Variants in LPCAT2 observed in about 807,000 individuals in gnomAD.
LPCAT2 encodes the protein 1-AGP acyltransferase 11.
A neutral mutation model predicts 64.7 loss-of-function variants in LPCAT2; 58 were observed. The observed-to-expected ratio is 0.90, with a 90% CI of 0.73 to 1.12. The LOEUF (loss-of-function observed/expected upper bound fraction) is 1.12, where lower values mean the gene tolerates loss of function less well. LPCAT2 is among the 50% of genes most tolerant of loss of function. The pLI, the probability that LPCAT2 is intolerant of heterozygous loss-of-function variation, is 0.00. For missense variants in LPCAT2, 579 were observed against 669.8 expected, an observed-to-expected ratio of 0.86 and a Z score of 1.50; for synonymous variants, 252 against 245.3, an observed-to-expected ratio of 1.03 and a Z score of -0.26.
intron 11 of LPCAT2, chr16:55,566,656 GA>G (rs1373738246): frequency 2.6e-5 from 34 of 1,313,556 alleles, no homozygotes; most frequent in Non-Finnish European, 3.1e-5. Context: ...AGCAGGTAAA[GA>G]AAAGCCAGTT....
chr16:55,536,972 A>G (rs1963331871), intron 7 of LPCAT2, among the ~76,000 whole-genome samples: 1 of 152,172 alleles, frequency 6.6e-6, no homozygotes, highest in Non-Finnish European at 1.5e-5. Flanking sequence ...TAAAGCTTCC[A>G]CTTTTAAGGA....
intron 13 of LPCAT2, among the ~76,000 whole-genome samples, chr16:55,580,487 C>A (rs1256675033): frequency 6.6e-6 from 1 of 152,118 alleles, no homozygotes; most frequent in African/African-American, 2.4e-5. Context: ...TCAGGGAAAT[C>A]TGCTTTGTTT....
At chr16:55,567,309 C>T in intron 11 of LPCAT2, 1 of 1,613,612 alleles carries the variant, frequency 6.2e-7, no homozygotes, top group Non-Finnish European at 8.5e-7. Flanking sequence ...AGGCTTCCAG[C>T]TAAATGAACA....
intron 11 of LPCAT2, among the ~76,000 whole-genome samples, chr16:55,563,803 C>T (rs1178448325): frequency 6.6e-6 from 1 of 151,820 alleles, no homozygotes; most frequent in African/African-American, 2.4e-5. Context: ...GACTAGGATG[C>T]CCACTCTCAT....
chr16:55,558,002 C>T (rs13335416), intron 11 of LPCAT2, among the ~76,000 whole-genome samples: 13,361 of 152,170 alleles, frequency 0.088, 835 homozygotes, highest in African/African-American at 0.17. Context: ...AAAGGTCTCA[C>T]ATCTTTGAAA....
At chr16:55,545,659 T>C (rs1596869307) in intron 8 of LPCAT2, 76 bp from the exon 9 acceptor site, 3 of 888,388 alleles carry the variant, frequency 3.4e-6, no homozygotes, top group East Asian at 2.5e-5. Flanking sequence ...ATATTGATAA[T>C]GTATAAATTA....
intron 11 of LPCAT2, among the ~76,000 whole-genome samples, chr16:55,557,752 C>T (rs1963593604): frequency 6.6e-6 from 1 of 152,096 alleles, no homozygotes; most frequent in African/African-American, 2.4e-5. Flanking sequence ...GAGGGAAAAC[C>T]TCAATATCTC....
intron 11 of LPCAT2, among the ~76,000 whole-genome samples, chr16:55,558,473 C>A (rs1313723296): frequency 6.6e-6 from 1 of 152,248 alleles, no homozygotes; most frequent in East Asian, 1.9e-4. Flanking sequence ...TTTTTGCAAA[C>A]TTGCCAATAT....
At chr16:55,534,367 C>A in intron 6 of LPCAT2, 76 bp from the exon 7 acceptor site, 1 of 836,742 alleles carries the variant, frequency 1.2e-6, no homozygotes, top group South Asian at 1.5e-5. Flanking sequence ...CATGAATCCC[C>A]ATATTAAAAT....
intron 7 of LPCAT2, among the ~76,000 whole-genome samples, chr16:55,534,782 T>G (rs1963303016): frequency 6.6e-6 from 1 of 152,152 alleles, no homozygotes; most frequent in Non-Finnish European, 1.5e-5. Context: ...TTAGCTTTAA[T>G]TTTGTAGTTT....
At chr16:55,550,614 C>G (rs1457086114) in intron 10 of LPCAT2, among the ~76,000 whole-genome samples, 1 of 152,102 alleles carries the variant, frequency 6.6e-6, no homozygotes, top group African/African-American at 2.4e-5. Context: ...ATACAAGTAT[C>G]CTTTAAAAGA....
intron 1 of LPCAT2, among the ~76,000 whole-genome samples, chr16:55,519,286 G>T (rs1963058522): frequency 1.3e-5 from 2 of 151,790 alleles, no homozygotes; most frequent in Admixed American, 1.3e-4. Flanking sequence ...GGATCACGGG[G>T]TCAGGACATT....
intron 1 of LPCAT2, among the ~76,000 whole-genome samples, chr16:55,524,982 T>A (rs1963148615): frequency 1.3e-5 from 2 of 152,038 alleles, no homozygotes; most frequent in South Asian, 4.1e-4. Flanking sequence ...TACTTTTCAT[T>A]TCTTCTTCTT....
chr16:55,574,789 G>C, intron 12 of LPCAT2, 60 bp downstream of exon 12: 1 of 1,213,644 alleles, frequency 8.2e-7, no homozygotes. Flanking sequence ...TTGACTCTAA[G>C]TGTATTATTT....
rs144984008 is a variant in LPCAT2 at position 55,579,117 on chromosome 16, C to T, written c.1323C>T (p.Asp441=). ...EIIQVAFKLF[D]VDEDGYITEE... is the part of the protein sequence containing the mutation. ...CATTTTATTTTCTTCAGCTGTTTGA[C>T]GTTGATGAGGATGGCTACATAACGG... is the stretch of plus-strand genomic sequence containing the variant. The change falls in exon 13 of 14, where the codon GAC becomes GAT. Residue 441 remains aspartate, a synonymous_variant. Transcript: ENST00000262134. 5.4e-5 allele frequency: 87 copies of T among 1,612,594 alleles called. No homozygotes were observed. The highest frequency in any genetic ancestry group is 3.3e-4 in the Middle Eastern group (2 of 6,064).
At chr16:55,512,718 C>A (rs1479322419) in intron 1 of LPCAT2, among the ~76,000 whole-genome samples, 1 of 152,168 alleles carries the variant, frequency 6.6e-6, no homozygotes, top group Non-Finnish European at 1.5e-5. Flanking sequence ...GAAGAAGAAA[C>A]TGAGCAGACA....
At chr16:55,566,794 G>A (rs778611244) in intron 11 of LPCAT2, 15 of 1,613,596 alleles carry the variant, frequency 9.3e-6, no homozygotes, top group Admixed American at 8.3e-5. Flanking sequence ...GGAGCAGATC[G>A]AGGTCTTGGA....
chr16:55,537,086 G>A (rs13337402), intron 7 of LPCAT2, among the ~76,000 whole-genome samples: 15,734 of 151,902 alleles, frequency 0.1, 1,097 homozygotes, highest in African/African-American at 0.19. Flanking sequence ...GTGGCCTTGG[G>A]TAGTTTCTCT....
intron 11 of LPCAT2, chr16:55,567,464 G>T (rs747111469): frequency 1.7e-5 from 28 of 1,613,752 alleles, no homozygotes; most frequent in Non-Finnish European, 2.3e-5. Flanking sequence ...TGATTCAAGT[G>T]TCTATCAAAG....
Sources: allele counts gnomAD v4.1 joint callset (sites outside exome capture counted in the v4.1 genomes callset), GRCh38; gene constraint gnomAD v4.1.1; transcripts MANE v1.5; gene names NCBI Gene and HGNC (gene_info 2026-07-23, HGNC 2026-07-21).